The following DPYD variants were observed in gnomAD, a reference collection of about 807,000 sequenced individuals.
The protein encoded by DPYD is dihydropyrimidine dehydrogenase [NADP(+)].
In DPYD, 109 loss-of-function variants were observed where a neutral mutation model predicts 116.2. The ratio of observed to expected loss-of-function variants is 0.94; its 90% CI spans 0.80 to 1.10. The LOEUF (loss-of-function observed/expected upper bound fraction) is 1.10, where lower values mean the gene tolerates loss of function less well. DPYD is among the 50% of genes least tolerant of loss of function. The pLI, the probability that DPYD is intolerant of heterozygous loss-of-function variation, is 0.00. For synonymous variants in DPYD, 440 were observed against 432.0 expected, an observed-to-expected ratio of 1.02 and a Z score of -0.23; for missense variants, 1,302 against 1,254.5, an observed-to-expected ratio of 1.04 and a Z score of -0.57.
At chr1:97,397,001 T>C (rs1249441262) in intron 14 of DPYD, among the ~76,000 whole-genome samples, 1 of 152,076 alleles carries the variant, frequency 6.6e-6, no homozygotes, top group Non-Finnish European at 1.5e-5. Context: ...CCCACTTCTC[T>C]TACCTCACTC....
At chr1:97,714,327 C>T (rs1288741740) in intron 5 of DPYD, among the ~76,000 whole-genome samples, 1 of 151,998 alleles carries the variant, frequency 6.6e-6, no homozygotes, top group East Asian at 1.9e-4. Context: ...ATTCTCCTGC[C>T]TCAGCCTCTT....
chr1:97,436,097 G>T (rs950288778), intron 14 of DPYD, among the ~76,000 whole-genome samples: 6 of 151,928 alleles, frequency 3.9e-5, no homozygotes, highest in African/African-American at 1.4e-4. Flanking sequence ...TAAGTAGGAG[G>T]AAAACAATTG....
At chr1:97,206,050 T>C (rs1044574181) in intron 19 of DPYD, among the ~76,000 whole-genome samples, 3 of 151,644 alleles carry the variant, frequency 2.0e-5, no homozygotes, top group African/African-American at 2.4e-5. Flanking sequence ...CCTTTTATGA[T>C]AAAAGATACA....
At chr1:97,142,821 T>G (rs907100362) in intron 20 of DPYD, among the ~76,000 whole-genome samples, 1 of 152,090 alleles carries the variant, frequency 6.6e-6, no homozygotes, top group African/African-American at 2.4e-5. Flanking sequence ...TCTTCTAAGA[T>G]TTTCTGATGA....
chr1:97,368,175 T>C (rs1458875404), intron 16 of DPYD, among the ~76,000 whole-genome samples: 4 of 152,028 alleles, frequency 2.6e-5, no homozygotes, highest in African/African-American at 9.7e-5. Flanking sequence ...ACCAGAAACT[T>C]TGATACGCCA....
intron 6 of DPYD, 119 bp from the exon 7 acceptor site, chr1:97,691,917 G>T: frequency 1.3e-6 from 1 of 770,292 alleles, no homozygotes; most frequent in South Asian, 1.5e-5. Flanking sequence ...CTCTTCCAAG[G>T]ATATTTATAT....
intron 18 of DPYD, among the ~76,000 whole-genome samples, chr1:97,285,296 G>T (rs1665592607): frequency 6.6e-6 from 1 of 152,310 alleles, no homozygotes; most frequent in Non-Finnish European, 1.5e-5. Flanking sequence ...GAAACGAAGA[G>T]AAATGAAGAG....
At chr1:97,904,122 C>T (rs183399901) in intron 1 of DPYD, among the ~76,000 whole-genome samples, 3 of 151,936 alleles carry the variant, frequency 2.0e-5, no homozygotes, top group Non-Finnish European at 4.4e-5. Flanking sequence ...CCTCCCCTAA[C>T]TCCCATTTAC....
At position 97,356,537 on chromosome 1, in the gene DPYD, C is replaced by T. The variant is rs545645911; in HGVS notation, c.2058+17024G>A. On this transcript the variant is annotated intron_variant, in intron 16 of 22. Coordinates refer to ENST00000370192, the MANE Select transcript of DPYD (RefSeq NM_000110.4). ...TTCTGCAGCCTCCGCTGGTGACACC[C>T]AGGCAAACAGGGTCTGGAGTGGAGC... is the stretch of plus-strand genomic sequence containing the variant. Among the ~76,000 whole-genome samples, 4 of 152,290 alleles carry T rather than the reference C, an allele frequency of 2.6e-5. No individual in the cohort carries two copies. In the South Asian group the frequency reaches 8.3e-4, roughly 32 times the overall value.
At chr1:97,536,564 C>T (rs1011684867) in intron 12 of DPYD, among the ~76,000 whole-genome samples, 1 of 152,164 alleles carries the variant, frequency 6.6e-6, no homozygotes, top group Non-Finnish European at 1.5e-5. Flanking sequence ...TATGACATAT[C>T]GATGATGCCC....
At chr1:97,490,015 C>T (rs1034838435) in intron 13 of DPYD, among the ~76,000 whole-genome samples, 3 of 152,006 alleles carry the variant, frequency 2.0e-5, no homozygotes, top group Non-Finnish European at 2.9e-5. Flanking sequence ...TTCCTGGTTG[C>T]GCAAGTCACT....
intron 20 of DPYD, among the ~76,000 whole-genome samples, chr1:97,130,615 T>C (rs1653204414): frequency 6.6e-6 from 1 of 152,146 alleles, no homozygotes; most frequent in Non-Finnish European, 1.5e-5. Flanking sequence ...TTTTTCACTC[T>C]AATTCCTACC....
chr1:97,220,680 C>G (rs938652578), intron 19 of DPYD, among the ~76,000 whole-genome samples: 10 of 152,106 alleles, frequency 6.6e-5, no homozygotes, highest in African/African-American at 1.2e-4. Flanking sequence ...CTAAGATAAA[C>G]TTTTTAAAAG....
chr1:97,453,260 G>GC (rs932577981), intron 13 of DPYD, among the ~76,000 whole-genome samples: 2 of 151,988 alleles, frequency 1.3e-5, no homozygotes, highest in African/African-American at 4.8e-5. Context: ...TAAATAGAAT[G>GC]CCCCCATTCA....
chr1:97,173,186 AT>A (rs1316297122), intron 20 of DPYD, among the ~76,000 whole-genome samples: 1 of 147,454 alleles, frequency 6.8e-6, no homozygotes, highest in African/African-American at 2.5e-5. Flanking sequence ...GTATACATAT[AT>A]ATGTGTATAT....
intron 14 of DPYD, among the ~76,000 whole-genome samples, chr1:97,389,778 G>A (rs4319377): frequency 0.27 from 40,354 of 151,120 alleles, 5,608 homozygotes; most frequent in South Asian, 0.43. Context: ...TGCAAAGTAT[G>A]ATAATTTACT....
intron 14 of DPYD, among the ~76,000 whole-genome samples, chr1:97,437,302 T>G (rs1209917186): frequency 2.6e-5 from 4 of 151,468 alleles, no homozygotes; most frequent in Non-Finnish European, 4.4e-5. Flanking sequence ...GTGAGGTGTT[T>G]TTTTTTTTGA....
intron 18 of DPYD, among the ~76,000 whole-genome samples, chr1:97,257,218 T>C (rs1663540648): frequency 6.6e-6 from 1 of 151,986 alleles, no homozygotes; most frequent in South Asian, 2.1e-4. Flanking sequence ...ATAGGTTGGA[T>C]AATATGAAAA....
At chr1:97,826,351 T>C (rs183535351) in intron 3 of DPYD, among the ~76,000 whole-genome samples, 1 of 152,288 alleles carries the variant, frequency 6.6e-6, no homozygotes, top group Admixed American at 6.5e-5. Flanking sequence ...TGATTACATA[T>C]CCTTTCCTTG....
Sources: allele counts gnomAD v4.1 joint callset (sites outside exome capture counted in the v4.1 genomes callset), GRCh38; gene constraint gnomAD v4.1.1; transcripts MANE v1.5; gene names NCBI Gene and HGNC (gene_info 2026-07-23, HGNC 2026-07-21).